The following MGST1 variants were observed in gnomAD, a reference collection of about 807,000 sequenced individuals.
The protein encoded by MGST1 is glutathione S-transferase 12.
MGST1 carries 5 observed loss-of-function variants against 8.9 expected under a neutral mutation model. The observed-to-expected ratio is 0.56, with a 90% CI of 0.29 to 1.19. The LOEUF (loss-of-function observed/expected upper bound fraction) is 1.19. Among genes scored for constraint, MGST1 ranks in the 50% most tolerant of loss-of-function variants. MGST1 has a pLI of 0.08. For missense variants in MGST1, 182 were observed against 187.4 expected (o/e 0.97, Z 0.17); for synonymous variants, 54 against 67.8 (o/e 0.80, Z 1.00).
chr12:16,393,966 A>C (rs1269451713), intron 1 of MGST1, among the ~76,000 whole-genome samples: 2 of 152,242 alleles, frequency 1.3e-5, no homozygotes, highest in Non-Finnish European at 2.9e-5. Context: ...TATTATAAAT[A>C]ATGCTGGCAC....
chr12:16,381,518 C>G (rs4764269), downstream of MGST1, among the ~76,000 whole-genome samples: 45,228 of 151,770 alleles, frequency 0.3, 7,455 homozygotes, highest in East Asian at 0.68. Flanking sequence ...AGCTATTAGT[C>G]TGATGGGCTT....
At chr12:16,359,356 C>G (rs1257690758) in intron 3 of MGST1, among the ~76,000 whole-genome samples, 1 of 152,132 alleles carries the variant, frequency 6.6e-6, no homozygotes, top group African/African-American at 2.4e-5. Flanking sequence ...AATTCTACCC[C>G]CAAGCTATTC....
chr12:16,400,978 C>A (rs1940650239), intron 1 of MGST1: 2 of 1,445,756 alleles, frequency 1.4e-6, no homozygotes, highest in Admixed American at 3.3e-5. Flanking sequence ...TGAGTTGAGC[C>A]ACTAGTTCTT....
rs572376486 is a variant in MGST1 at position 16,413,422 on chromosome 12, G to A, written n.779-23966G>A. Among the ~76,000 whole-genome samples the A allele has an allele frequency of 5.5e-4, 83 of 152,282 alleles. No homozygotes were observed. The highest frequency in any genetic ancestry group is 1.9e-3 in the African/African-American group (81 of 41,556). On this transcript the variant is annotated intron_variant and non_coding_transcript_variant, in intron 1 of 1. Transcript: ENST00000359720. The surrounding 1 kb of genome is among the most constrained non-coding windows in gnomAD (Gnocchi z 4.0). ...ACTCTCATCCAAGCAGCCCCATTGT[G>A]AACAGAACACTCAATTTTTAATGGT...
At chr12:16,371,516 CT>C (rs1468883817) in intron 3 of MGST1, among the ~76,000 whole-genome samples, 1 of 152,050 alleles carries the variant, frequency 6.6e-6, no homozygotes, top group African/African-American at 2.4e-5. Flanking sequence ...CCTGCCACCT[CT>C]TTTTGTATGG....
intron 4 of MGST1, among the ~76,000 whole-genome samples, chr12:16,515,632 GAAA>G (rs59154598): frequency 1.6e-4 from 21 of 129,020 alleles, no homozygotes; most frequent in Admixed American, 4.0e-4. Context: ...CTCTATCTCA[GAAA>G]AAAAAAAAAA....
In MGST1 at chr12:16,547,171, T is replaced by A. The variant is rs1941833860; in HGVS notation, n.483-42357T>A. Among the ~76,000 whole-genome samples, 1 of 152,152 alleles carries A rather than the reference T, an allele frequency of 6.6e-6. No individual in the cohort carries two copies. The highest frequency in any genetic ancestry group is 1.5e-5 in the Non-Finnish European group (1 of 68,028). ...AACCCTAGGCATTCTGAAATCTTCGTTTATGATACTAATCACACAATTACC... is the reference window on the plus strand; with the variant it reads ...AACCCTAGGCATTCTGAAATCTTCGATTATGATACTAATCACACAATTACC... On this transcript the variant is annotated intron_variant and non_coding_transcript_variant, in intron 4 of 4. Coordinates refer to the MGST1 transcript ENST00000538857. The surrounding 1 kb of genome is among the most constrained non-coding windows in gnomAD (Gnocchi z 4.6).
At chr12:16,374,861 G>A (rs540960360) in intron 3 of MGST1, among the ~76,000 whole-genome samples, 5 of 152,172 alleles carry the variant, frequency 3.3e-5, no homozygotes, top group African/African-American at 1.2e-4. Flanking sequence ...GTGTGTATTT[G>A]TGCTTATGTT....
At chr12:16,372,002 C>A (rs1436390943) in intron 3 of MGST1, among the ~76,000 whole-genome samples, 2 of 151,890 alleles carry the variant, frequency 1.3e-5, no homozygotes, top group Admixed American at 1.3e-4. Flanking sequence ...GGAAACTAGA[C>A]CTCTATCTCT....
intron 1 of MGST1, among the ~76,000 whole-genome samples, chr12:16,434,936 G>A (rs1156795458): frequency 6.6e-6 from 1 of 151,948 alleles, no homozygotes; most frequent in African/African-American, 2.4e-5. Flanking sequence ...TGAAGGAGAA[G>A]CGACATTTTT....
At chr12:16,376,107 T>C in intron 3 of MGST1, 1 of 1,317,884 alleles carries the variant, frequency 7.6e-7, no homozygotes, top group Non-Finnish European at 1.0e-6. Flanking sequence ...ATCTTATTTT[T>C]TTTTAATTGT....
intron 3 of MGST1, among the ~76,000 whole-genome samples, chr12:16,371,178 A>G (rs1940286721): frequency 1.3e-5 from 2 of 152,186 alleles, no homozygotes; most frequent in South Asian, 4.1e-4. Context: ...TTGGAAGTAA[A>G]TGAAACAGGG....
intron 4 of MGST1, among the ~76,000 whole-genome samples, chr12:16,530,883 G>T (rs1591753304): frequency 6.6e-6 from 1 of 152,022 alleles, no homozygotes; most frequent in Non-Finnish European, 1.5e-5. Flanking sequence ...CTAAAAGTAA[G>T]AGCATGGTCT....
intron 1 of MGST1, among the ~76,000 whole-genome samples, chr12:16,409,223 G>A (rs1940720523): frequency 6.6e-6 from 1 of 152,052 alleles, no homozygotes; most frequent in South Asian, 2.1e-4. Flanking sequence ...AAATTTATTT[G>A]TGAGAGTTAT....
intron 4 of MGST1, among the ~76,000 whole-genome samples, chr12:16,545,904 AGT>A (rs112233061): frequency 0.12 from 18,040 of 152,034 alleles, 3,104 homozygotes; most frequent in African/African-American, 0.38. Flanking sequence ...AAAAAATAAT[AGT>A]GACAATAATA....
intron 1 of MGST1, among the ~76,000 whole-genome samples, chr12:16,384,821 T>A (rs997275933): frequency 2.0e-5 from 3 of 152,226 alleles, no homozygotes; most frequent in African/African-American, 7.2e-5. Flanking sequence ...CTTGACGTAC[T>A]TTTGTACGCA....
At chr12:16,483,568 G>T (rs539643790) in intron 4 of MGST1, among the ~76,000 whole-genome samples, 1 of 152,060 alleles carries the variant, frequency 6.6e-6, no homozygotes, top group East Asian at 1.9e-4. Context: ...AGACAAAATA[G>T]AAATGAAGGC....
At chr12:16,353,393 G>A (rs1939560871) in intron 1 of MGST1, 1 of 152,206 alleles carries the variant, frequency 6.6e-6, no homozygotes, top group South Asian at 2.1e-4. Flanking sequence ...CTCAAGCAAG[G>A]TTAACAGCTA....
At chr12:16,457,346 C>T (rs769536943) in intron 4 of MGST1, among the ~76,000 whole-genome samples, 7 of 151,766 alleles carry the variant, frequency 4.6e-5, no homozygotes, top group Non-Finnish European at 1.0e-4. Context: ...TCTAAATTGT[C>T]GTATTAATTC....
Sources: gnomAD v4.1 joint callset for allele counts (sites outside exome capture counted in the v4.1 genomes callset) on GRCh38, gnomAD v4.1.1 for gene constraint, Gnocchi (gnomAD v3.1) non-coding constraint, MANE v1.5 for transcripts, NCBI Gene and HGNC (gene_info 2026-07-23, HGNC 2026-07-21) for gene names.